The following SLC25A25 variants were observed in gnomAD, a reference collection of about 807,000 sequenced individuals.
The protein encoded by SLC25A25 is mitochondrial adenyl nucleotide antiporter SLC25A25.
In SLC25A25, 32 loss-of-function variants were observed where a neutral mutation model predicts 57.7. That is an observed-to-expected ratio of 0.55 (90% confidence interval 0.42 to 0.74). SLC25A25 has a LOEUF of 0.74. Ranked by LOEUF, SLC25A25 falls within the 30% of genes least tolerant of loss-of-function variation. SLC25A25 has a pLI of 0.00. For synonymous variants in SLC25A25, 306 were observed against 291.2 expected, an observed-to-expected ratio of 1.05 and a Z score of -0.52; for missense variants, 556 against 701.3, an observed-to-expected ratio of 0.79 and a Z score of 2.34.
intron 1 of SLC25A25, among the ~76,000 whole-genome samples, chr9:128,087,663 C>T (rs1833308071): frequency 6.6e-6 from 1 of 152,208 alleles, no homozygotes; most frequent in Non-Finnish European, 1.5e-5. Flanking sequence ...CAGCCCCCTC[C>T]TTCATGGACT....
intron 1 of SLC25A25, among the ~76,000 whole-genome samples, chr9:128,073,860 T>G (rs950092169): frequency 1.3e-5 from 2 of 150,766 alleles, no homozygotes; most frequent in Non-Finnish European, 2.9e-5. Context: ...CAGCCTCTGG[T>G]GTAGCTGGGA....
chr9:128,095,676 C>T lies in SLC25A25; in HGVS notation c.262-5420C>T, dbSNP rs1002946525. 1.3e-5 allele frequency among the ~76,000 whole-genome samples: 2 copies of T among 152,052 alleles called. No homozygotes were observed. Among genetic ancestry groups the T allele is most frequent in the African/African-American group, 4.8e-5 (2 of 41,392 alleles). On this transcript the variant is annotated intron_variant, in intron 1 of 10. Coordinates refer to ENST00000373069, the MANE Select transcript of SLC25A25 (RefSeq NM_001330988.2). This position sits in a 1 kb window ranked among gnomAD's most constrained non-coding sequence, Gnocchi z 4.4. ...CTTTTAAAAATTAGCTGGGTGTGCTCGTGGGCACCTGTAGTCCCAGCTACT... is the reference window on the plus strand; with the variant it reads ...CTTTTAAAAATTAGCTGGGTGTGCTTGTGGGCACCTGTAGTCCCAGCTACT...
At chr9:128,079,197 G>A (rs1423824098) in intron 1 of SLC25A25, among the ~76,000 whole-genome samples, 1 of 152,016 alleles carries the variant, frequency 6.6e-6, no homozygotes. Context: ...TTTTCTGCAG[G>A]GTCAGTGGGG....
chr9:128,101,735 G>C lies in SLC25A25; in HGVS notation c.476+339G>C, dbSNP rs1833804684. Among the ~76,000 whole-genome samples the C allele has an allele frequency of 6.6e-6, 1 of 152,176 alleles. No individual in the cohort carries two copies. The highest frequency in any genetic ancestry group is 1.5e-5 in the Non-Finnish European group (1 of 68,022). Reference sequence around the variant, plus strand: ...GGCGGGGGGCTCACACTGCAGCCTCGTTCCCAGGTGAATTTCTTCCCCATG... The same window carrying C: ...GGCGGGGGGCTCACACTGCAGCCTCCTTCCCAGGTGAATTTCTTCCCCATG... On this transcript the variant is annotated intron_variant, in intron 3 of 10. Coordinates refer to ENST00000373069, the MANE Select transcript of SLC25A25 (RefSeq NM_001330988.2). This position sits in a 1 kb window ranked among gnomAD's most constrained non-coding sequence, Gnocchi z 4.9.
At position 128,107,023 on chromosome 9, in the gene SLC25A25, T is replaced by C. The variant is rs1463973545; in HGVS notation, c.1213-6T>C. ...GGGCTTATCCCATGCTCCCTTCTCCTTCTAGACGCTCAAGAATGCCTGGCT... is the reference window on the plus strand; with the variant it reads ...GGGCTTATCCCATGCTCCCTTCTCCCTCTAGACGCTCAAGAATGCCTGGCT... On this transcript the variant is annotated splice_region_variant and splice_polypyrimidine_tract_variant and intron_variant, in intron 9 of 10. Coordinates refer to ENST00000373069, the MANE Select transcript of SLC25A25 (RefSeq NM_001330988.2). The C allele has an allele frequency of 6.2e-7, 1 of 1,613,574 alleles. No individual in the cohort carries two copies. The highest frequency in any genetic ancestry group is 8.5e-7 in the Non-Finnish European group (1 of 1,179,662).
chr9:128,082,566 A>T (rs1232968663), intron 1 of SLC25A25, among the ~76,000 whole-genome samples: 1 of 152,214 alleles, frequency 6.6e-6, no homozygotes, highest in Admixed American at 6.5e-5. Context: ...GAGAGTCTTC[A>T]AACTCTTGAC....
chr9:128,068,476 CTCTT>C lies in SLC25A25; in HGVS notation c.160_163del (p.Phe54ArgfsTer47), dbSNP rs1275494294. 4 of 1,526,564 alleles carry C rather than the reference CTCTT, an allele frequency of 2.6e-6. No individual in the cohort carries two copies. The highest frequency in any genetic ancestry group is 3.5e-6 in the Non-Finnish European group (4 of 1,145,098). The allele number at this position is 1,526,564 out of a possible 1,614,324, so 94.6% of individuals were successfully genotyped here. ...GGACCACCGGCTGCGCCTGTGGAGA[CTCTT>C]TCAGACGCTCGACGTCAACCGGGAC... On this transcript the variant is annotated frameshift_variant, in exon 1 of 11. Coordinates refer to ENST00000373069, the MANE Select transcript of SLC25A25 (RefSeq NM_001330988.2). LOFTEE classifies it high-confidence loss of function.
chr9:128,079,322 C>G (rs1389934788), intron 1 of SLC25A25, among the ~76,000 whole-genome samples: 1 of 147,006 alleles, frequency 6.8e-6, no homozygotes, highest in Non-Finnish European at 1.5e-5. Context: ...TGGCTGGAGT[C>G]TAATGTGACA....
In SLC25A25 at chr9:128,076,638, G is replaced by C. The variant is rs561501599; in HGVS notation, c.261+8058G>C. 4.0e-5 allele frequency among the ~76,000 whole-genome samples: 6 copies of C among 151,182 alleles called. No homozygotes were observed. In the East Asian group the frequency reaches 1.2e-3, roughly 30 times the overall value. ...CCACCACCACGCCCAGCTAATTTTT[G>C]TTGTATTTTTTAGTAGAGACAGGTT... On this transcript the variant is annotated intron_variant, in intron 1 of 10. Transcript: ENST00000373069.
At chr9:128,069,838 G>A (rs1356008829) in intron 1 of SLC25A25, among the ~76,000 whole-genome samples, 1 of 149,640 alleles carries the variant, frequency 6.7e-6, no homozygotes, top group Admixed American at 6.6e-5. Context: ...TGCAGCCTCC[G>A]CCTCCTGGGT....
intron 1 of SLC25A25, among the ~76,000 whole-genome samples, chr9:128,084,260 ATTTTTTT>A (rs58266648): frequency 5.0e-5 from 7 of 140,256 alleles, no homozygotes; most frequent in Non-Finnish European, 7.7e-5. Context: ...ATTAAAACAG[ATTTTTTT>A]TTTTTTTTTT....
intron 1 of SLC25A25, among the ~76,000 whole-genome samples, chr9:128,096,860 C>T (rs1040108475): frequency 1.3e-5 from 2 of 152,172 alleles, no homozygotes; most frequent in Non-Finnish European, 2.9e-5. Flanking sequence ...ATGGATTTAG[C>T]GGAGGCTGAG....
chr9:128,090,835 G>A (rs1833386827), intron 1 of SLC25A25: 1 of 152,170 alleles, frequency 6.6e-6, no homozygotes, highest in Admixed American at 6.5e-5. Context: ...ATCAATAAAG[G>A]TTGTGAACAC....
intron 1 of SLC25A25, among the ~76,000 whole-genome samples, chr9:128,071,994 C>T (rs1832919198): frequency 1.3e-5 from 2 of 152,134 alleles, no homozygotes; most frequent in South Asian, 4.1e-4. Flanking sequence ...ATTACAGGCG[C>T]GAGCAACTGC....
intron 1 of SLC25A25, among the ~76,000 whole-genome samples, chr9:128,098,022 C>T (rs1189913512): frequency 6.6e-6 from 1 of 152,224 alleles, no homozygotes; most frequent in East Asian, 1.9e-4. Flanking sequence ...GGCCACCCCT[C>T]AGCCTCCTAT....
chr9:128,074,986 C>G (rs1004440300), intron 1 of SLC25A25, among the ~76,000 whole-genome samples: 2 of 151,832 alleles, frequency 1.3e-5, no homozygotes, highest in Non-Finnish European at 2.9e-5. Flanking sequence ...AAATACAAAA[C>G]TTAGCCAGGC....
intron 1 of SLC25A25, chr9:128,091,906 T>C: frequency 6.2e-7 from 1 of 1,611,772 alleles, no homozygotes; most frequent in Non-Finnish European, 8.5e-7. Context: ...TAGCTAGCTT[T>C]TTCCCCAGGG....
At chr9:128,077,574 G>A (rs993952588) in intron 1 of SLC25A25, among the ~76,000 whole-genome samples, 2 of 151,404 alleles carry the variant, frequency 1.3e-5, no homozygotes, top group Non-Finnish European at 2.9e-5. Flanking sequence ...TTAGGTGAAA[G>A]TCCAGAATGG....
At position 128,108,373 on chromosome 9, in the gene SLC25A25, G is replaced by A. The variant is rs1286077792; in HGVS notation, c.*929G>A. 7.5e-6 allele frequency: 3 copies of A among 397,898 alleles called. No individual in the cohort carries two copies. The highest frequency in any genetic ancestry group is 1.3e-5 in the Non-Finnish European group (3 of 225,926). The allele number at this position is 397,898 out of a possible 1,614,324, so 24.6% of individuals were successfully genotyped here. A position where few individuals can be genotyped will look rare whatever the true frequency, so the allele number is the denominator to read the frequency against. On this transcript the variant is annotated 3_prime_UTR_variant, in exon 11 of 11. Coordinates refer to ENST00000373069, the MANE Select transcript of SLC25A25 (RefSeq NM_001330988.2). ...AGCCGGACAAATGAGCGACTTCTGTGCTTCCAGAGGAAGACGAGGGAGCAG... is the reference window on the plus strand; with the variant it reads ...AGCCGGACAAATGAGCGACTTCTGTACTTCCAGAGGAAGACGAGGGAGCAG...
Sources: allele counts gnomAD v4.1 joint callset (sites outside exome capture counted in the v4.1 genomes callset), GRCh38; gene constraint gnomAD v4.1.1; non-coding constraint Gnocchi (gnomAD v3.1); transcripts MANE v1.5; gene names NCBI Gene and HGNC (gene_info 2026-07-23, HGNC 2026-07-21).